The following PREX2 variants were observed in gnomAD, a reference collection of about 807,000 sequenced individuals.
The protein encoded by PREX2 is phosphatidylinositol-3,4,5-trisphosphate dependent Rac exchange factor 2.
A neutral mutation model predicts 203.2 loss-of-function variants in PREX2; 107 were observed. The ratio of observed to expected loss-of-function variants is 0.53; its 90% CI spans 0.45 to 0.62. The LOEUF (loss-of-function observed/expected upper bound fraction) is 0.62, where lower values mean the gene tolerates loss of function less well. Ranked by LOEUF, PREX2 falls within the 20% of genes least tolerant of loss-of-function variation. The pLI, the probability that PREX2 is intolerant of heterozygous loss-of-function variation, is 0.00. For synonymous variants in PREX2, 672 were observed against 663.6 expected (o/e 1.01, Z -0.19); for missense variants, 1,777 against 1,955.9 (o/e 0.91, Z 1.72).
intron 35 of PREX2, among the ~76,000 whole-genome samples, chr8:68,164,853 A>T (rs1016105515): frequency 1.4e-5 from 2 of 145,804 alleles, no homozygotes; most frequent in Admixed American, 6.8e-5. Flanking sequence ...AAATTCTGGG[A>T]TTACAGGTGT....
intron 37 of PREX2, among the ~76,000 whole-genome samples, chr8:68,193,780 A>G (rs1005576057): frequency 1.3e-5 from 2 of 152,092 alleles, no homozygotes; most frequent in African/African-American, 4.8e-5. Context: ...TTGGGTTTTC[A>G]TGGATCAGGT....
At chr8:68,091,062 G>A (rs1809859404) in intron 20 of PREX2, among the ~76,000 whole-genome samples, 1 of 152,142 alleles carries the variant, frequency 6.6e-6, no homozygotes, top group Non-Finnish European at 1.5e-5. Context: ...CATTGTGTCT[G>A]TGTCTGTATG....
chr8:68,186,135 C>G (rs1812184573), intron 35 of PREX2, among the ~76,000 whole-genome samples: 1 of 152,156 alleles, frequency 6.6e-6, no homozygotes, highest in Non-Finnish European at 1.5e-5. Flanking sequence ...AATATCTGAA[C>G]AATTTTTTCT....
chr8:68,187,194 C>G (rs986438781), intron 35 of PREX2, among the ~76,000 whole-genome samples: 34 of 152,140 alleles, frequency 2.2e-4, no homozygotes, highest in Non-Finnish European at 4.0e-4. Flanking sequence ...AGAGCTGCAC[C>G]TAGTTAAGCC....
intron 34 of PREX2, among the ~76,000 whole-genome samples, chr8:68,149,660 G>T (rs993207149): frequency 6.6e-6 from 1 of 152,186 alleles, no homozygotes; most frequent in Non-Finnish European, 1.5e-5. Context: ...TTCCTGATCT[G>T]TCAGTGGTTT....
Position 68,069,880 on chromosome 8 carries a change from A to T in PREX2, c.1489A>T (p.Ile497Leu), listed in dbSNP as rs749291755. Residue 497 changes from isoleucine to leucine, a missense_variant, in exon 13 of 40, where the codon ATA becomes TTA. Coordinates refer to ENST00000288368, the MANE Select transcript of PREX2 (RefSeq NM_024870.4). ...TCTTCATAGCCTTTTTACTCCAGTG[A>T]TAAGGTGAGTCTGGTTTTTAAGTTC... is the stretch of plus-strand genomic sequence containing the variant. ...CRLHSLFTPV[I>L]RDKDYHLRTY... 2 of 1,536,806 alleles carry T rather than the reference A, an allele frequency of 1.3e-6. No homozygotes were observed. The highest frequency in any genetic ancestry group is 1.8e-6 in the Non-Finnish European group (2 of 1,121,186).
intron 37 of PREX2, among the ~76,000 whole-genome samples, chr8:68,197,450 G>GT (rs776024791): frequency 6.6e-6 from 1 of 151,966 alleles, no homozygotes; most frequent in Non-Finnish European, 1.5e-5. Flanking sequence ...TGCCATGATT[G>GT]TAAGTTTTCT....
chr8:68,093,320 G>T (rs1481537263), intron 20 of PREX2, among the ~76,000 whole-genome samples: 4 of 149,652 alleles, frequency 2.7e-5, no homozygotes, highest in Admixed American at 2.0e-4. Context: ...AATCAGGGAG[G>T]CGGAGGTTTT....
At chr8:68,164,783 T>C (rs1811727302) in intron 35 of PREX2, among the ~76,000 whole-genome samples, 1 of 151,932 alleles carries the variant, frequency 6.6e-6, no homozygotes, top group African/African-American at 2.4e-5. Flanking sequence ...GGTTTCTCCA[T>C]GTTGGTCAGG....
At chr8:68,091,739 A>T (rs986919307) in intron 20 of PREX2, among the ~76,000 whole-genome samples, 12 of 152,240 alleles carry the variant, frequency 7.9e-5, no homozygotes, top group Non-Finnish European at 1.6e-4. Context: ...ATCGGAAATG[A>T]TCAAATCTTT....
intron 35 of PREX2, among the ~76,000 whole-genome samples, chr8:68,158,894 T>C (rs1343371533): frequency 6.6e-6 from 1 of 152,150 alleles, no homozygotes; most frequent in Non-Finnish European, 1.5e-5. Context: ...CCCAAGTAGT[T>C]CTGTCAAAGT....
chr8:68,079,662 T>TG (rs11372130), intron 15 of PREX2, among the ~76,000 whole-genome samples: 63 of 151,956 alleles, frequency 4.1e-4, no homozygotes, highest in Non-Finnish European at 7.8e-4. Flanking sequence ...AACTTTTTTT[T>TG]GTAAAGTATT....
chr8:68,099,010 T>G (rs902239089), intron 22 of PREX2, among the ~76,000 whole-genome samples: 5 of 145,706 alleles, frequency 3.4e-5, no homozygotes, highest in Non-Finnish European at 7.5e-5. Flanking sequence ...CATTGGAAAT[T>G]CTTAGTGATT....
chr8:68,205,430 G>T (rs895443594), intron 37 of PREX2, among the ~76,000 whole-genome samples: 4 of 152,040 alleles, frequency 2.6e-5, no homozygotes, highest in African/African-American at 9.7e-5. Context: ...CAAGACTTTC[G>T]CTTGTCACCA....
chr8:68,035,560 A>G (rs1458948468), intron 6 of PREX2, among the ~76,000 whole-genome samples: 1 of 149,098 alleles, frequency 6.7e-6, no homozygotes, highest in Non-Finnish European at 1.5e-5. Flanking sequence ...ATCATGGGAA[A>G]TCAGCAGCAT....
chr8:68,223,933 C>G (rs2129615469), intron 38 of PREX2, among the ~76,000 whole-genome samples: 1 of 152,240 alleles, frequency 6.6e-6, no homozygotes, highest in Middle Eastern at 3.4e-3. Context: ...GATTTCTGTT[C>G]CAGAAAAGTG....
chr8:68,163,334 T>G (rs1028820940), intron 35 of PREX2, among the ~76,000 whole-genome samples: 1 of 152,176 alleles, frequency 6.6e-6, no homozygotes, highest in Non-Finnish European at 1.5e-5. Context: ...AAGCCCTTAC[T>G]GAATTTTAGA....
chr8:68,024,587 C>G (rs2129610350), intron 4 of PREX2, among the ~76,000 whole-genome samples: 1 of 151,864 alleles, frequency 6.6e-6, no homozygotes, highest in African/African-American at 2.4e-5. Flanking sequence ...GTTGGGTCTA[C>G]TTTTTGTCCA....
chr8:68,211,321 C>G (rs1255668151), intron 37 of PREX2, among the ~76,000 whole-genome samples: 2 of 152,148 alleles, frequency 1.3e-5, no homozygotes, highest in Non-Finnish European at 2.9e-5. Flanking sequence ...AATCTTATAA[C>G]ATCATAATTT....
Sources: gnomAD v4.1 joint callset for allele counts (sites outside exome capture counted in the v4.1 genomes callset) on GRCh38, gnomAD v4.1.1 for gene constraint, MANE v1.5 for transcripts, NCBI Gene and HGNC (gene_info 2026-07-23, HGNC 2026-07-21) for gene names.